Variants in FOXP4 observed in about 807,000 individuals in gnomAD.
FOXP4 encodes the protein forkhead box protein P4.
In FOXP4, 25 loss-of-function variants were observed where a neutral mutation model predicts 82.6. That is an observed-to-expected ratio of 0.30 (90% CI 0.22 to 0.42). FOXP4 has a LOEUF of 0.42. Ranked by LOEUF, FOXP4 falls within the 10% of genes least tolerant of loss-of-function variation. The pLI, the probability that FOXP4 is intolerant of heterozygous loss-of-function variation, is 1.00. For missense variants in FOXP4, 785 were observed against 900.9 expected, an observed-to-expected ratio of 0.87 and a Z score of 1.65; for synonymous variants, 415 against 388.2, an observed-to-expected ratio of 1.07 and a Z score of -0.81.
At chr6:41,569,575 G>A (rs916910925) in intron 2 of FOXP4, among the ~76,000 whole-genome samples, 1 of 152,238 alleles carries the variant, frequency 6.6e-6, no homozygotes, top group Non-Finnish European at 1.5e-5. Flanking sequence ...CAGATTTTGG[G>A]AGGGGAGGTC....
intron 16 of FOXP4, 73 bp downstream of exon 16, chr6:41,598,023 C>T: frequency 1.5e-6 from 2 of 1,313,648 alleles, no homozygotes; most frequent in Admixed American, 2.9e-5. Context: ...CATCCCCCAC[C>T]CTGGGTGGGG....
intron 15 of FOXP4, 80 bp from the exon 16 acceptor site, chr6:41,597,701 G>T: frequency 6.6e-7 from 1 of 1,505,800 alleles, no homozygotes; most frequent in South Asian, 1.2e-5. Context: ...CTCTCTAGTG[G>T]GCGGGGAAGG....
chr6:41,578,553 A>G lies in FOXP4; in HGVS notation c.300+472A>G, dbSNP rs115686578. 7.9e-3 allele frequency among the ~76,000 whole-genome samples: 1,178 copies of G among 148,266 alleles called. 11 individuals are homozygous for G. Among genetic ancestry groups the G allele is most frequent in the African/African-American group, 0.028 (1,117 of 40,172 alleles). On this transcript the variant is annotated intron_variant, in intron 3 of 16. Coordinates refer to ENST00000307972, the MANE Select transcript of FOXP4 (RefSeq NM_001012426.2). ...CTCTTATCCTCCCCCCTTATCCCTC[A>G]TCCACCAGCTCTCTCGCAGTCTCTC...
intron 15 of FOXP4, 125 bp downstream of exon 15, chr6:41,597,367 T>C: frequency 1.0e-6 from 1 of 956,714 alleles, no homozygotes; most frequent in Non-Finnish European, 1.6e-6. Flanking sequence ...AGACCCAAAC[T>C]CTCCGAGACC....
chr6:41,587,718 C>A, intron 7 of FOXP4, 75 bp from the exon 8 acceptor site: 1 of 1,054,752 alleles, frequency 9.5e-7, no homozygotes, highest in Non-Finnish European at 1.4e-6. Context: ...AGCAGGGGAG[C>A]TGGTGCTCAG....
intron 1 of FOXP4, among the ~76,000 whole-genome samples, chr6:41,557,945 T>C (rs1412918298): frequency 6.6e-6 from 1 of 152,146 alleles, no homozygotes; most frequent in Non-Finnish European, 1.5e-5. Context: ...GATAGGAATG[T>C]CTTTGCCCTG....
intron 14 of FOXP4, among the ~76,000 whole-genome samples, chr6:41,595,611 AT>A (rs955242348): frequency 6.6e-6 from 1 of 151,528 alleles, no homozygotes; most frequent in African/African-American, 2.4e-5. Flanking sequence ...TTATTCATTT[AT>A]TTTTTTTGAG....
At chr6:41,592,434 G>A (rs1452858443) in intron 13 of FOXP4, among the ~76,000 whole-genome samples, 2 of 152,182 alleles carry the variant, frequency 1.3e-5, no homozygotes, top group Admixed American at 1.3e-4. Context: ...TGTGAGTGAT[G>A]TCATTTTCTG....
intron 13 of FOXP4, among the ~76,000 whole-genome samples, chr6:41,594,527 TAC>T (rs769153552): frequency 1.3e-4 from 20 of 152,308 alleles, no homozygotes; most frequent in Non-Finnish European, 2.5e-4. Flanking sequence ...GAGTAACAAT[TAC>T]ATGTGTCTTT....
At chr6:41,582,540 CCT>C (rs1472987709) in intron 3 of FOXP4, among the ~76,000 whole-genome samples, 3 of 152,220 alleles carry the variant, frequency 2.0e-5, no homozygotes, top group African/African-American at 7.2e-5. Context: ...CACCAAGATG[CCT>C]CTCTTTGTTG....
intron 1 of FOXP4, chr6:41,548,360 G>T (rs970723220): frequency 3.3e-5 from 5 of 152,178 alleles, no homozygotes; most frequent in Admixed American, 6.5e-5. Flanking sequence ...GAGCATTTTG[G>T]CCAATGCGGG....
intron 1 of FOXP4, among the ~76,000 whole-genome samples, chr6:41,562,183 A>G (rs1237201710): frequency 6.6e-6 from 1 of 152,206 alleles, no homozygotes; most frequent in Non-Finnish European, 1.5e-5. Context: ...GTGAGAATTC[A>G]GAAAGCACTT....
Position 41,557,334 on chromosome 6 carries a change from G to A in FOXP4, c.-16-8411G>A, listed in dbSNP as rs572304827. Among the ~76,000 whole-genome samples the A allele has an allele frequency of 1.2e-4, 19 of 152,310 alleles. No individual in the cohort carries two copies. In the South Asian group the frequency reaches 3.9e-3, roughly 32 times the overall value. Reference sequence around the variant, plus strand: ...ATTGGTATGAATTTTATGGGCATCAGTTTGGGAATGAATATATCAAGAACC... The same window carrying A: ...ATTGGTATGAATTTTATGGGCATCAATTTGGGAATGAATATATCAAGAACC... On this transcript the variant is annotated intron_variant, in intron 1 of 16. Coordinates refer to ENST00000307972, the MANE Select transcript of FOXP4 (RefSeq NM_001012426.2).
chr6:41,556,535 A>C (rs569927850), intron 1 of FOXP4, among the ~76,000 whole-genome samples: 125 of 152,300 alleles, frequency 8.2e-4, no homozygotes, highest in African/African-American at 2.9e-3. Context: ...CATGTTAGCC[A>C]GGATGGTCTC....
Position 41,591,273 on chromosome 6 carries a change from G to C in FOXP4, c.1487G>C (p.Trp496Ser). ...CTGACCCTGAATGAGATCTATAACTGGTTCACCAGGATGTTCGCCTATTTC... is the reference window on the plus strand; with the variant it reads ...CTGACCCTGAATGAGATCTATAACTCGTTCACCAGGATGTTCGCCTATTTC... The part of the protein sequence containing the change: ...RQLTLNEIYN[W>S]FTRMFAYFRR... Residue 496 changes from tryptophan to serine, a missense_variant, in exon 13 of 17, where the codon TGG becomes TCG. By Grantham distance (177) the Trp-to-Ser change is radical. Transcript: ENST00000307972. The surrounding 1 kb of genome is among the most constrained non-coding windows in gnomAD (Gnocchi z 4.2). The C allele has an allele frequency of 6.2e-7, 1 of 1,609,962 alleles. No homozygotes were observed. Among genetic ancestry groups the C allele is most frequent in the Non-Finnish European group, 8.5e-7 (1 of 1,178,264 alleles).
intron 14 of FOXP4, among the ~76,000 whole-genome samples, chr6:41,595,956 G>T (rs560957551): frequency 1.1e-4 from 16 of 152,260 alleles, no homozygotes; most frequent in Admixed American, 3.3e-4. Context: ...GGAGTGCAGT[G>T]GCACGATTTT....
intron 2 of FOXP4, chr6:41,570,122 T>TCACACACACA (rs1765115785): frequency 4.0e-6 from 1 of 252,790 alleles, no homozygotes; most frequent in African/African-American, 3.8e-5. Flanking sequence ...ACACACGCAG[T>TCACACACACA]CAACAGTTGT....
intron 3 of FOXP4, among the ~76,000 whole-genome samples, chr6:41,579,872 G>C (rs1260301799): frequency 6.6e-6 from 1 of 152,112 alleles, no homozygotes; most frequent in African/African-American, 2.4e-5. Flanking sequence ...TAGACACTAA[G>C]CGCTTTACAG....
At chr6:41,570,372 C>G (rs141631535) in intron 2 of FOXP4, 227 of 471,212 alleles carry the variant, frequency 4.8e-4, no homozygotes, top group African/African-American at 4.2e-3. Flanking sequence ...CAGAAACTGC[C>G]CTTTCCTCCT....
Sources: gnomAD v4.1 joint callset for allele counts (sites outside exome capture counted in the v4.1 genomes callset) on GRCh38, gnomAD v4.1.1 for gene constraint, Gnocchi (gnomAD v3.1) non-coding constraint, MANE v1.5 for transcripts, NCBI Gene and HGNC (gene_info 2026-07-23, HGNC 2026-07-21) for gene names.